The following HIPK2 variants were observed in gnomAD, a reference collection of about 807,000 sequenced individuals.
The protein encoded by HIPK2 is homeodomain interacting protein kinase 2.
A neutral mutation model predicts 113.7 loss-of-function variants in HIPK2; 27 were observed. The ratio of observed to expected loss-of-function variants is 0.24; its 90% CI spans 0.17 to 0.33. The LOEUF (loss-of-function observed/expected upper bound fraction) is 0.33, where lower values mean the gene tolerates loss of function less well. Among genes scored for constraint, HIPK2 ranks in the 10% least tolerant of loss-of-function variants. The pLI, the probability that HIPK2 is intolerant of heterozygous loss-of-function variation, is 1.00. For missense variants in HIPK2, 1,257 were observed against 1,588.0 expected (o/e 0.79, Z 3.54); for synonymous variants, 631 against 642.2 (o/e 0.98, Z 0.26).
chr7:139,776,468 C>G (rs1439674410), intron 1 of HIPK2, among the ~76,000 whole-genome samples: 1 of 151,568 alleles, frequency 6.6e-6, no homozygotes, highest in East Asian at 1.9e-4. Context: ...CTATTAATGC[C>G]TTCCCTGTCT....
At chr7:139,741,230 G>A (rs539717591) in intron 1 of HIPK2, among the ~76,000 whole-genome samples, 5 of 152,296 alleles carry the variant, frequency 3.3e-5, no homozygotes, top group South Asian at 4.1e-4. Context: ...GCAGAGAAGA[G>A]CAGAAGTCCT....
At chr7:139,747,597 A>T (rs181594994) in intron 1 of HIPK2, among the ~76,000 whole-genome samples, 12 of 152,352 alleles carry the variant, frequency 7.9e-5, no homozygotes, top group Middle Eastern at 3.4e-3. Flanking sequence ...TTAGTAAAGC[A>T]TCCAGAAAAT....
rs374778745 is a variant in HIPK2, at chr7:139,682,615, T to A, written c.1103+33317A>T. The stretch of plus-strand genomic sequence containing the variant: ...AAGAGCAGGAACACTGTTTTACTCA[T>A]CTCCTCCCCACAGCACCCTGCACCA... On this transcript the variant is annotated intron_variant, in intron 2 of 14. Transcript: ENST00000406875. 3.9e-5 allele frequency among the ~76,000 whole-genome samples: 6 copies of A among 152,230 alleles called. No homozygotes were observed. In the South Asian group the frequency reaches 6.2e-4, roughly 16 times the overall value.
intron 2 of HIPK2, among the ~76,000 whole-genome samples, chr7:139,682,555 G>T (rs1315553780): frequency 1.3e-5 from 2 of 152,098 alleles, no homozygotes; most frequent in African/African-American, 4.8e-5. Context: ...CCCTGTGGTG[G>T]GTGGGGCCGT....
rs181600852 is a variant in HIPK2, at chr7:139,717,135, G to C, written c.20-120C>G. 65 of 1,280,506 alleles carry C rather than the reference G, an allele frequency of 5.1e-5. No individual in the cohort carries two copies. In the African/African-American group the frequency reaches 7.7e-4, roughly 15 times the overall value. The allele number at this position is 1,280,506 out of a possible 1,614,324, so 79.3% of individuals were successfully genotyped here. A position where few individuals can be genotyped will look rare whatever the true frequency, so the allele number is the denominator to read the frequency against. On this transcript the variant is annotated intron_variant, in intron 1 of 14. Transcript: ENST00000406875. The stretch of plus-strand genomic sequence containing the variant: ...CATACAGAATATATTCCTCCCACTT[G>C]AAAACAAGGTTGAAAAAGTGAATCT...
chr7:139,765,977 A>G (rs1303590857), intron 1 of HIPK2, among the ~76,000 whole-genome samples: 1 of 152,238 alleles, frequency 6.6e-6, no homozygotes, highest in Non-Finnish European at 1.5e-5. Flanking sequence ...AAGTTTTAAA[A>G]TACTTATCCA....
chr7:139,616,615 T>A (rs920429344), intron 7 of HIPK2, among the ~76,000 whole-genome samples: 1 of 152,250 alleles, frequency 6.6e-6, no homozygotes, highest in Non-Finnish European at 1.5e-5. Flanking sequence ...GGGTCCCACA[T>A]GCCCCATTGT....
At chr7:139,731,958 GGAA>G (rs1355692127) in intron 1 of HIPK2, among the ~76,000 whole-genome samples, 2 of 152,148 alleles carry the variant, frequency 1.3e-5, no homozygotes, top group Non-Finnish European at 2.9e-5. Flanking sequence ...GCAGGGAGAG[GGAA>G]GAGCAGGAAG....
Position 139,596,763 on chromosome 7 carries a change from T to G in HIPK2, c.2671A>C (p.Ser891Arg). Residue 891 changes from serine to arginine, a missense_variant, in exon 12 of 15, where the codon AGC becomes CGC. Ser to Arg is a moderately radical substitution (Grantham distance 110). Coordinates refer to ENST00000406875, the MANE Select transcript of HIPK2 (RefSeq NM_022740.5). ...PSPTVSVITI[S>R]SDTDEEEEQK... ...TCCTCCTCCTCGTCCGTGTCACTGC[T>G]GATGGTGATGACGCTGACCGTGGGG... 1 of 1,613,686 alleles carries G rather than the reference T, an allele frequency of 6.2e-7. No individual in the cohort carries two copies. Among genetic ancestry groups the G allele is most frequent in the Non-Finnish European group, 8.5e-7 (1 of 1,179,576 alleles).
At chr7:139,752,946 G>A (rs1329517565) in intron 1 of HIPK2, among the ~76,000 whole-genome samples, 1 of 152,144 alleles carries the variant, frequency 6.6e-6, no homozygotes, top group Non-Finnish European at 1.5e-5. Flanking sequence ...AGGCAGAAAT[G>A]AGCACAAGTT....
At chr7:139,739,384 C>T (rs1288694963) in intron 1 of HIPK2, among the ~76,000 whole-genome samples, 1 of 152,088 alleles carries the variant, frequency 6.6e-6, no homozygotes, top group African/African-American at 2.4e-5. Flanking sequence ...GCCAGGAGTT[C>T]AAGACCAGCC....
chr7:139,566,338 G>C lies in HIPK2; in HGVS notation c.*6589C>G, dbSNP rs1367303581. ...CTCAAGAGTTGTGTGGCTCTGGGCA[G>C]TTTCCTTGGCTGTAGGGGGACTAAT... On this transcript the variant is annotated 3_prime_UTR_variant, in exon 15 of 15. Coordinates refer to ENST00000406875, the MANE Select transcript of HIPK2 (RefSeq NM_022740.5). This position sits in a 1 kb window ranked among gnomAD's most constrained non-coding sequence, Gnocchi z 4.1. 1 of 152,244 alleles carries C rather than the reference G, an allele frequency of 6.6e-6. No homozygotes were observed. The highest frequency in any genetic ancestry group is 1.5e-5 in the Non-Finnish European group (1 of 68,082). The allele number at this position is 152,244 out of a possible 1,614,324, so 9.4% of individuals were successfully genotyped here.
intron 9 of HIPK2, among the ~76,000 whole-genome samples, chr7:139,607,131 C>T (rs1799645870): frequency 6.6e-6 from 1 of 151,918 alleles, no homozygotes. Flanking sequence ...CAGAAATTAA[C>T]CATTCAAAAG....
intron 1 of HIPK2, among the ~76,000 whole-genome samples, chr7:139,729,610 T>C (rs1305988276): frequency 6.6e-6 from 1 of 152,190 alleles, no homozygotes; most frequent in Non-Finnish European, 1.5e-5. Flanking sequence ...TGTTCTGTTT[T>C]TCAACACTGC....
chr7:139,647,552 G>A (rs1172710286), intron 2 of HIPK2, among the ~76,000 whole-genome samples: 4 of 152,122 alleles, frequency 2.6e-5, no homozygotes, highest in African/African-American at 9.7e-5. Context: ...TTTTTAATAG[G>A]AGAAGCTTGA....
At chr7:139,775,019 G>A (rs1289859592) in intron 1 of HIPK2, among the ~76,000 whole-genome samples, 1 of 152,276 alleles carries the variant, frequency 6.6e-6, no homozygotes, top group East Asian at 1.9e-4. Flanking sequence ...GGTTCAGAAC[G>A]CTCCATTAAT....
chr7:139,611,468 AATAG>A (rs1400370786), intron 9 of HIPK2, among the ~76,000 whole-genome samples: 1 of 152,230 alleles, frequency 6.6e-6, no homozygotes, highest in East Asian at 1.9e-4. Context: ...TGAGTGTCTT[AATAG>A]ATACAGAAAG....
Position 139,716,020 on chromosome 7 carries a change from G to T in HIPK2, c.1015C>A (p.Pro339Thr). Residue 339 changes from proline (P) to threonine (T), a missense_variant, in exon 2 of 15, where the codon CCA becomes ACA. This residue lies in a region of HIPK2 where 84 missense variants were observed against 182.2 expected (regional missense o/e 0.46). Coordinates refer to ENST00000406875, the MANE Select transcript of HIPK2 (RefSeq NM_022740.5). This position sits in a 1 kb window ranked among gnomAD's most constrained non-coding sequence, Gnocchi z 9.3. ...NIMLVDPSRQ[P>T]YRVKVIDFGS... ...AAGTCGATGACCTTGACTCTGTATG[G>T]TTGTCTAGATGGATCCACCAGCATG... 3 of 1,614,112 alleles carry T rather than the reference G, an allele frequency of 1.9e-6. No individual in the cohort carries two copies. The highest frequency in any genetic ancestry group is 2.5e-6 in the Non-Finnish European group (3 of 1,179,984).
At chr7:139,643,629 A>G (rs1281362623) in intron 2 of HIPK2, among the ~76,000 whole-genome samples, 2 of 152,322 alleles carry the variant, frequency 1.3e-5, no homozygotes, top group South Asian at 2.1e-4. Flanking sequence ...GTGCTTGTGC[A>G]TGTAGAATAA....
Sources: allele counts gnomAD v4.1 joint callset (sites outside exome capture counted in the v4.1 genomes callset), GRCh38; gene constraint gnomAD v4.1.1; regional missense constraint gnomAD v4.1.1; non-coding constraint Gnocchi (gnomAD v3.1); transcripts MANE v1.5; gene names NCBI Gene and HGNC (gene_info 2026-07-23, HGNC 2026-07-21).